Variants in CPVL observed in about 807,000 individuals in gnomAD.
The protein encoded by CPVL is carboxypeptidase vitellogenic like, also known as probable serine carboxypeptidase CPVL.
In CPVL, 51 loss-of-function variants were observed where a neutral mutation model predicts 63.7. That is an observed-to-expected ratio of 0.80 (90% CI 0.64 to 1.01). CPVL has a LOEUF of 1.01. Among genes scored for constraint, CPVL ranks in the 50% least tolerant of loss-of-function variants. The pLI, the probability that CPVL is intolerant of heterozygous loss-of-function variation, is 0.00. For missense variants in CPVL, 530 were observed against 573.1 expected (o/e 0.92, Z 0.77); for synonymous variants, 195 against 206.0 (o/e 0.95, Z 0.46).
intron 5 of CPVL, among the ~76,000 whole-genome samples, chr7:29,164,413 C>A (rs1584503644): frequency 1.3e-5 from 2 of 152,000 alleles, no homozygotes; most frequent in South Asian, 4.1e-4. Flanking sequence ...ATATATTTTG[C>A]AGATAATTTT....
chr7:29,016,478 G>A (rs572898118), intron 12 of CPVL, among the ~76,000 whole-genome samples: 2 of 152,274 alleles, frequency 1.3e-5, no homozygotes, highest in African/African-American at 4.8e-5. Flanking sequence ...CAATTGGTGA[G>A]GGCTTTCCAG....
intron 2 of CPVL, among the ~76,000 whole-genome samples, chr7:29,185,755 G>C (rs757427): frequency 0.14 from 21,245 of 152,094 alleles, 2,012 homozygotes; most frequent in East Asian, 0.43. Context: ...CATCGCCCTA[G>C]GACCTTTATT....
chr7:29,114,935 G>A (rs184534564), intron 2 of CPVL, among the ~76,000 whole-genome samples: 2 of 152,288 alleles, frequency 1.3e-5, no homozygotes, highest in East Asian at 3.9e-4. Context: ...AGCAGAGGAG[G>A]TCATGGGGAC....
intron 2 of CPVL, among the ~76,000 whole-genome samples, chr7:29,185,851 A>C (rs138460983): frequency 6.6e-6 from 1 of 152,170 alleles, no homozygotes; most frequent in Non-Finnish European, 1.5e-5. Context: ...AGCAAGACCA[A>C]TATGTAGATA....
intron 5 of CPVL, among the ~76,000 whole-genome samples, chr7:29,176,396 G>A (rs1002924510): frequency 2.0e-5 from 3 of 152,054 alleles, no homozygotes; most frequent in Non-Finnish European, 4.4e-5. Flanking sequence ...ATAATAACTA[G>A]ATTAATAGTG....
intron 11 of CPVL, 95 bp downstream of exon 11, chr7:29,063,966 T>TAAA: frequency 6.4e-5 from 44 of 691,752 alleles, no homozygotes; most frequent in Middle Eastern, 4.1e-4. Context: ...TCATAAAAGT[T>TAAA]AAAAAAAAAA....
At chr7:29,158,226 A>C (rs10272841) in intron 5 of CPVL, among the ~76,000 whole-genome samples, 2,696 of 152,334 alleles carry the variant, frequency 0.018, 84 homozygotes, top group African/African-American at 0.061. Context: ...ATCAAGGACT[A>C]TCTTCCTTCA....
chr7:29,173,097 C>CTCCA (rs1473156378), intron 5 of CPVL, among the ~76,000 whole-genome samples: 1 of 149,414 alleles, frequency 6.7e-6, no homozygotes, highest in Non-Finnish European at 1.5e-5. Flanking sequence ...CGCCAATGTA[C>CTCCA]TCCAGCCTGG....
intron 5 of CPVL, among the ~76,000 whole-genome samples, chr7:29,180,487 A>G (rs1421769311): frequency 6.6e-6 from 1 of 152,094 alleles, no homozygotes; most frequent in Non-Finnish European, 1.5e-5. Context: ...AGATCGCGCC[A>G]CTGCACTGGG....
At chr7:29,154,887 C>T (rs988255290) in intron 5 of CPVL, among the ~76,000 whole-genome samples, 1 of 152,162 alleles carries the variant, frequency 6.6e-6, no homozygotes, top group Non-Finnish European at 1.5e-5. Context: ...GGGCAATTTA[C>T]AAATGAAAGA....
chr7:29,004,505 T>C (rs1183797845), intron 12 of CPVL, among the ~76,000 whole-genome samples: 1 of 152,238 alleles, frequency 6.6e-6, no homozygotes, highest in Non-Finnish European at 1.5e-5. Flanking sequence ...AAGTTGAAGC[T>C]TTCTCTTTCC....
chr7:29,163,236 C>A (rs147181216), intron 5 of CPVL, among the ~76,000 whole-genome samples: 16 of 152,090 alleles, frequency 1.1e-4, no homozygotes, highest in Non-Finnish European at 2.2e-4. Context: ...AAATCTAAGA[C>A]GTGCTACAAG....
chr7:29,034,829 C>T (rs1344679341), intron 11 of CPVL, among the ~76,000 whole-genome samples: 2 of 147,192 alleles, frequency 1.4e-5, no homozygotes, highest in African/African-American at 5.2e-5. Flanking sequence ...GCCACTGCAC[C>T]CAGCCTAGAA....
At chr7:29,148,818 A>G (rs1397065820), upstream of CPVL, among the ~76,000 whole-genome samples, 1 of 152,210 alleles carries the variant, frequency 6.6e-6, no homozygotes, top group East Asian at 1.9e-4. Context: ...ATCCCATCAT[A>G]CAATATAAGA....
At chr7:29,031,467 C>G (rs137856972) in intron 11 of CPVL, among the ~76,000 whole-genome samples, 1,987 of 152,216 alleles carry the variant, frequency 0.013, 20 homozygotes, top group Non-Finnish European at 0.021. Context: ...AATCCTAAAG[C>G]AATTTTCAAT....
intron 12 of CPVL, among the ~76,000 whole-genome samples, chr7:29,025,443 C>A (rs531692970): frequency 1.9e-3 from 294 of 152,304 alleles, no homozygotes; most frequent in African/African-American, 6.9e-3. Context: ...AGTGAAAACT[C>A]ACTTATCACC....
At position 29,071,996 on chromosome 7, in the gene CPVL, T is replaced by C. The variant is rs1783793546; in HGVS notation, c.733-92A>G. On this transcript the variant is annotated intron_variant, in intron 8 of 12. Transcript: ENST00000265394. ...TGCTTGGTGAAATAATCCTTTGTAATTGTTAATATTGTGCTGGTTAGCCAA... is the reference window on the plus strand; with the variant it reads ...TGCTTGGTGAAATAATCCTTTGTAACTGTTAATATTGTGCTGGTTAGCCAA... 2.0e-6 allele frequency: 3 copies of C among 1,505,758 alleles called. 1 individual carries two copies. The highest frequency in any genetic ancestry group is 1.7e-4 in the Middle Eastern group (1 of 5,730). The allele number at this position is 1,505,758 out of a possible 1,614,324, so 93.3% of individuals were successfully genotyped here.
chr7:29,105,514 C>T (rs1176399104), intron 3 of CPVL, among the ~76,000 whole-genome samples: 2 of 152,170 alleles, frequency 1.3e-5, no homozygotes, highest in Admixed American at 6.5e-5. Flanking sequence ...CCTCCCGAGG[C>T]TTTTCTATTA....
intron 11 of CPVL, among the ~76,000 whole-genome samples, chr7:29,044,034 A>T (rs1442099485): frequency 1.3e-5 from 2 of 152,032 alleles, no homozygotes; most frequent in Non-Finnish European, 2.9e-5. Flanking sequence ...ACAAAGACAA[A>T]AGCATTGGCT....
Sources: allele counts gnomAD v4.1 joint callset (sites outside exome capture counted in the v4.1 genomes callset), GRCh38; gene constraint gnomAD v4.1.1; transcripts MANE v1.5; gene names NCBI Gene and HGNC (gene_info 2026-07-23, HGNC 2026-07-21).